GXYLT2: variants seen among roughly 807,000 people sequenced by gnomAD.
GXYLT2 encodes glycosyltransferase 8 domain containing 4.
In GXYLT2, 53 loss-of-function variants were observed where a neutral mutation model predicts 45.8. The ratio of observed to expected loss-of-function variants is 1.16; its 90% confidence interval spans 0.93 to 1.46. The LOEUF is 1.46. Ranked by LOEUF, GXYLT2 falls within the 40% of genes most tolerant of loss-of-function variation. GXYLT2 has a pLI of 0.00. For synonymous variants in GXYLT2, 219 were observed against 214.2 expected, an observed-to-expected ratio of 1.02 and a Z score of -0.19; for missense variants, 551 against 544.4, an observed-to-expected ratio of 1.01 and a Z score of -0.12.
intron 1 of GXYLT2, among the ~76,000 whole-genome samples, chr3:72,899,102 T>G (rs1000975321): frequency 6.6e-6 from 1 of 152,224 alleles, no homozygotes. Flanking sequence ...GCATGGCCTC[T>G]TAAGTCCCCC....
intron 2 of GXYLT2, among the ~76,000 whole-genome samples, chr3:72,921,539 G>A (rs994668869): frequency 2.0e-4 from 30 of 151,884 alleles, no homozygotes; most frequent in Non-Finnish European, 2.6e-4. Flanking sequence ...AGCAATTCTC[G>A]TGTCTCAGCC....
intron 5 of GXYLT2, among the ~76,000 whole-genome samples, chr3:72,963,737 A>C (rs1009774376): frequency 6.8e-6 from 1 of 147,072 alleles, no homozygotes; most frequent in Non-Finnish European, 1.5e-5. Context: ...CAATGGCACG[A>C]TCTTGGCTCA....
intron 3 of GXYLT2, among the ~76,000 whole-genome samples, chr3:72,948,835 C>CAAAAAA (rs1234193329): frequency 1.3e-5 from 1 of 74,970 alleles, no homozygotes; most frequent in Non-Finnish European, 3.0e-5. Context: ...GATTCTGTCT[C>CAAAAAA]AAAAAAAAAA....
At chr3:72,920,968 C>T (rs1341720374) in intron 2 of GXYLT2, among the ~76,000 whole-genome samples, 1 of 151,536 alleles carries the variant, frequency 6.6e-6, no homozygotes, top group African/African-American at 2.4e-5. Context: ...ATTACAGGCG[C>T]CCACCACCAC....
At chr3:72,921,264 A>G (rs1243226060) in intron 2 of GXYLT2, among the ~76,000 whole-genome samples, 1 of 152,132 alleles carries the variant, frequency 6.6e-6, no homozygotes, top group Admixed American at 6.5e-5. Context: ...ATGTCAGTAC[A>G]TATCTACATA....
chr3:72,957,172 A>T, intron 4 of GXYLT2, 57 bp from the exon 5 acceptor site: 1 of 1,543,570 alleles, frequency 6.5e-7, no homozygotes, highest in Non-Finnish European at 8.7e-7. Flanking sequence ...ATTGTTTCTC[A>T]GTGGACAAAA....
At chr3:72,935,442 C>T (rs570508425) in intron 3 of GXYLT2, among the ~76,000 whole-genome samples, 7 of 152,210 alleles carry the variant, frequency 4.6e-5, no homozygotes, top group Non-Finnish European at 7.4e-5. Flanking sequence ...GGGAATCAAC[C>T]GTGAAATTAA....
rs781454293 is a variant in GXYLT2 at position 72,967,722 on chromosome 3, A to G, written c.1149+3A>G. 2.5e-6 allele frequency: 4 copies of G among 1,613,018 alleles called. No homozygotes were observed. Among genetic ancestry groups the G allele is most frequent in the Non-Finnish European group, 3.4e-6 (4 of 1,179,346 alleles). On this transcript the variant is annotated splice_donor_region_variant and intron_variant, in intron 6 of 6. Transcript: ENST00000389617. ...CACTCTATGAAGCAATACGGGATGT[A>G]AGTGTGCCCTTGCTGCTGTTAGCAG...
intron 3 of GXYLT2, among the ~76,000 whole-genome samples, chr3:72,951,383 T>C (rs1710522238): frequency 6.6e-6 from 1 of 152,214 alleles, no homozygotes; most frequent in Non-Finnish European, 1.5e-5. Context: ...ATGCGAATGG[T>C]AACTAATTAT....
chr3:72,902,617 A>G (rs1241221106), intron 1 of GXYLT2, among the ~76,000 whole-genome samples: 1 of 152,204 alleles, frequency 6.6e-6, no homozygotes, highest in African/African-American at 2.4e-5. Context: ...TGGGAGGATC[A>G]TTTGAGCCCA....
At chr3:72,920,397 A>T (rs1709810363) in intron 2 of GXYLT2, among the ~76,000 whole-genome samples, 1 of 152,102 alleles carries the variant, frequency 6.6e-6, no homozygotes, top group African/African-American at 2.4e-5. Flanking sequence ...GGCCTCCCAA[A>T]GTCATGAGAT....
At chr3:72,944,877 G>A (rs1257884011) in intron 3 of GXYLT2, among the ~76,000 whole-genome samples, 1 of 152,134 alleles carries the variant, frequency 6.6e-6, no homozygotes, top group Admixed American at 6.6e-5. Context: ...CAACCTAGCT[G>A]TCTTGTCAAC....
chr3:72,917,928 A>T (rs1220928217), intron 2 of GXYLT2, among the ~76,000 whole-genome samples: 1 of 151,990 alleles, frequency 6.6e-6, no homozygotes, highest in Admixed American at 6.6e-5. Flanking sequence ...TTTTCATATC[A>T]CCATCAGAAA....
chr3:72,928,992 CCGCCGCTCCAG>C, intron 3 of GXYLT2: 1 of 1,136,578 alleles, frequency 8.8e-7, no homozygotes, highest in Admixed American at 1.9e-5. Flanking sequence ...CCAAGGCCCG[CCGCCGCTCCAG>C]CGCCGCGCAG....
Position 72,901,984 on chromosome 3 carries a change from A to G in GXYLT2, c.276-6383A>G, listed in dbSNP as rs116748306. Among the ~76,000 whole-genome samples the G allele has an allele frequency of 5.4e-3, 828 of 152,220 alleles. 9 individuals are homozygous for G. The highest frequency in any genetic ancestry group is 0.019 in the African/African-American group (786 of 41,532). ...CACAGGTTTACTGTTTTCAAGGTTCATTTATGTTGTAGCATGCATCGTTAT... is the reference window on the plus strand; with the variant it reads ...CACAGGTTTACTGTTTTCAAGGTTCGTTTATGTTGTAGCATGCATCGTTAT... On this transcript the variant is annotated intron_variant, in intron 1 of 6. Transcript: ENST00000389617.
At chr3:72,928,867 G>A (rs1307214418) in intron 3 of GXYLT2, among the ~76,000 whole-genome samples, 2 of 152,144 alleles carry the variant, frequency 1.3e-5, no homozygotes, top group East Asian at 1.9e-4. Context: ...GCCGGGAGTC[G>A]TCGGGGTTTC....
intron 3 of GXYLT2, among the ~76,000 whole-genome samples, chr3:72,930,498 G>A (rs1334373744): frequency 2.1e-5 from 2 of 93,614 alleles, no homozygotes; most frequent in African/African-American, 6.9e-5. Flanking sequence ...GTGAAACCCT[G>A]TCTCAAAAAA....
chr3:72,932,070 CTT>C (rs796800391), intron 3 of GXYLT2, among the ~76,000 whole-genome samples: 13 of 143,586 alleles, frequency 9.1e-5, no homozygotes, highest in African/African-American at 1.5e-4. Context: ...TGTCTTTTAA[CTT>C]TTTTTTTTTT....
In GXYLT2 at chr3:72,901,910, A is replaced by G. The variant is rs139322620; in HGVS notation, c.276-6457A>G. 5.5e-3 allele frequency among the ~76,000 whole-genome samples: 830 copies of G among 152,112 alleles called. 9 individuals are homozygous for G. The highest frequency in any genetic ancestry group is 0.019 in the African/African-American group (788 of 41,488). ...TGGCTTTGCCTATTTTGGACTTTTC[A>G]TATATGTGGAATCATAAAATATGTG... is the stretch of plus-strand genomic sequence containing the variant. On this transcript the variant is annotated intron_variant, in intron 1 of 6. Coordinates refer to ENST00000389617, the MANE Select transcript of GXYLT2 (RefSeq NM_001080393.2).
Sources: gnomAD v4.1 joint callset for allele counts (sites outside exome capture counted in the v4.1 genomes callset) on GRCh38, gnomAD v4.1.1 for gene constraint, MANE v1.5 for transcripts, NCBI Gene and HGNC (gene_info 2026-07-23, HGNC 2026-07-21) for gene names.